The following FOXM1 variants were observed in gnomAD, a reference collection of about 807,000 sequenced individuals.
FOXM1 encodes the protein forkhead box protein M1.
In FOXM1, 25 loss-of-function variants were observed where a neutral mutation model predicts 63.6. That is an observed-to-expected ratio of 0.39 (90% CI 0.29 to 0.55). The LOEUF is 0.55. FOXM1 is among the 20% of genes least tolerant of loss of function. FOXM1 has a pLI of 0.60. For synonymous variants in FOXM1, 387 were observed against 376.9 expected (o/e 1.03, Z -0.31); for missense variants, 879 against 958.7 (o/e 0.92, Z 1.10).
chr12:2,868,602 G>C lies in FOXM1; in HGVS notation c.807C>G (p.His269Gln). The change falls in exon 4 of 9, where the codon CAC (histidine) becomes CAG (glutamine). Residue 269 changes from histidine to glutamine, a missense_variant. By Grantham distance (24) the His-to-Gln change is conservative. Transcript: ENST00000359843. ...LKDIYTWIED[H>Q]FPYFKHIAKP... ...TGGCAATGTGCTTAAAGTAGGGAAA[G>C]TGGTCCTCAATCCACGTATAGATGT... 1 of 1,613,670 alleles carries C rather than the reference G, an allele frequency of 6.2e-7. No homozygotes were observed. Among genetic ancestry groups the C allele is most frequent in the Non-Finnish European group, 8.5e-7 (1 of 1,179,804 alleles).
At position 2,864,796 on chromosome 12, in the gene FOXM1, A is replaced by G. The variant is rs761005665; in HGVS notation, c.1021-44T>C. 4 of 1,604,172 alleles carry G rather than the reference A, an allele frequency of 2.5e-6. No individual in the cohort carries two copies. Among genetic ancestry groups the G allele is most frequent in the Admixed American group, 1.7e-5 (1 of 59,996 alleles). ...GAGAGAAAGAAACCTATGTTAACACAATAAGGTAAAGAGGGGATGGCAAAA... is the reference window on the plus strand; with the variant it reads ...GAGAGAAAGAAACCTATGTTAACACGATAAGGTAAAGAGGGGATGGCAAAA... On this transcript the variant is annotated intron_variant, in intron 6 of 8. Coordinates refer to ENST00000359843, the MANE Select transcript of FOXM1 (RefSeq NM_021953.4). The surrounding 1 kb of genome is among the most constrained non-coding windows in gnomAD (Gnocchi z 5.1).
rs540333502 is a variant in FOXM1, at chr12:2,872,467, G to T, written c.503-220C>A. On this transcript the variant is annotated intron_variant, in intron 2 of 8. Coordinates refer to ENST00000359843, the MANE Select transcript of FOXM1 (RefSeq NM_021953.4). This position sits in a 1 kb window ranked among gnomAD's most constrained non-coding sequence, Gnocchi z 4.0. ...TCTACTAAAAATACAAAATTAGCTGGGTGTGGTGGCACACGCCTGTAGTCC... is the reference window on the plus strand; with the variant it reads ...TCTACTAAAAATACAAAATTAGCTGTGTGTGGTGGCACACGCCTGTAGTCC... 3.0e-4 allele frequency among the ~76,000 whole-genome samples: 45 copies of T among 152,212 alleles called. No homozygotes were observed. In the Middle Eastern group the frequency reaches 0.01, roughly 35 times the overall value.
rs747232406 is a variant in FOXM1 at position 2,859,094 on chromosome 12, C to T, written c.1836G>A (p.Pro612=). The T allele has an allele frequency of 2.3e-5, 37 of 1,606,420 alleles. No individual in the cohort carries two copies. Among genetic ancestry groups the T allele is most frequent in the South Asian group, 3.3e-5 (3 of 90,848 alleles). Residue 612 remains proline, a synonymous_variant, in exon 9 of 9, where the codon CCG becomes CCA. Coordinates refer to ENST00000359843, the MANE Select transcript of FOXM1 (RefSeq NM_021953.4). ...IKETLPISST[P]SKSVLPRTPE... Reference sequence around the variant, plus strand: ...GGGTTCTGGGGAGGACAGATTTGCTCGGGGTGGAGGAGATGGGCAGCGTTT... The same window carrying T: ...GGGTTCTGGGGAGGACAGATTTGCTTGGGGTGGAGGAGATGGGCAGCGTTT...
intron 8 of FOXM1, chr12:2,861,296 T>C: frequency 1.4e-6 from 1 of 729,856 alleles, no homozygotes; most frequent in Non-Finnish European, 2.5e-6. Context: ...TGCTCAGACT[T>C]ACTGATAAAC....
At chr12:2,862,094 G>T (rs907144255) in intron 8 of FOXM1, among the ~76,000 whole-genome samples, 1 of 151,388 alleles carries the variant, frequency 6.6e-6, no homozygotes, top group Non-Finnish European at 1.5e-5. Context: ...CAGGAGAATC[G>T]CTTGAACCCA....
chr12:2,862,191 AAAAAAAAG>A (rs2098114993), intron 8 of FOXM1, among the ~76,000 whole-genome samples: 1 of 152,016 alleles, frequency 6.6e-6, no homozygotes, highest in Non-Finnish European at 1.5e-5. Flanking sequence ...GAAAAAAAAA[AAAAAAAAG>A]AGACATGTAG....
chr12:2,861,509 A>G (rs1192551828), intron 8 of FOXM1: 1 of 407,038 alleles, frequency 2.5e-6, no homozygotes, highest in Admixed American at 4.5e-5. Context: ...TATTAAACAG[A>G]CTAATAATAC....
intron 4 of FOXM1, chr12:2,868,230 T>A (rs746320622): frequency 2.7e-5 from 5 of 182,056 alleles, no homozygotes; most frequent in Non-Finnish European, 5.7e-5. Context: ...ACAGCATTTT[T>A]TTTTTTAATC....
Position 2,868,744 on chromosome 12 carries a change from G to A in FOXM1, c.665C>T (p.Pro222Leu). Reference protein sequence around the residue: ...LEQRQVKVEEPSRPSASWQNS... With the variant: ...LEQRQVKVEELSRPSASWQNS... Reference sequence around the variant, plus strand: ...CTGCCAGGACGCTGATGGTCTCGAAGGCTCCTCAACCTGAGGGTTATGACA... The same window carrying A: ...CTGCCAGGACGCTGATGGTCTCGAAAGCTCCTCAACCTGAGGGTTATGACA... The change falls in exon 4 of 9, where the codon CCT becomes CTT. Residue 222 changes from proline (P) to leucine (L), a missense_variant. Pro to Leu is a moderately conservative substitution (Grantham distance 98, BLOSUM62 -3). Coordinates refer to ENST00000359843, the MANE Select transcript of FOXM1 (RefSeq NM_021953.4). The A allele has an allele frequency of 1.2e-6, 2 of 1,612,572 alleles. No homozygotes were observed. The highest frequency in any genetic ancestry group is 1.3e-5 in the African/African-American group (1 of 75,030).
chr12:2,862,075 AG>A (rs1446620801), intron 8 of FOXM1, among the ~76,000 whole-genome samples: 1 of 151,754 alleles, frequency 6.6e-6, no homozygotes, highest in Non-Finnish European at 1.5e-5. Flanking sequence ...GCTACTCAGG[AG>A]GCCGAGGCAG....
chr12:2,859,273 G>A lies in FOXM1; in HGVS notation c.1657C>T (p.Pro553Ser), dbSNP rs1228943957. 8 of 1,613,614 alleles carry A rather than the reference G, an allele frequency of 5.0e-6. No homozygotes were observed. In the African/African-American group the frequency reaches 9.4e-5, roughly 19 times the overall value. Residue 553 changes from proline to serine, a missense_variant, in exon 9 of 9, where the codon CCC becomes TCC. Pro to Ser is a moderately conservative substitution (Grantham distance 74, BLOSUM62 -1). Coordinates refer to ENST00000359843, the MANE Select transcript of FOXM1 (RefSeq NM_021953.4). ...RSRRKQHLLP[P>S]CVDEPELLFS... ...AGCAGCTCCGGCTCATCCACACAGGGAGGCAGTAGATGCTGTTTTCTCCGA... is the reference window on the plus strand; with the variant it reads ...AGCAGCTCCGGCTCATCCACACAGGAAGGCAGTAGATGCTGTTTTCTCCGA...
Position 2,867,892 on chromosome 12 carries a change from C to T in FOXM1, c.846+671G>A, listed in dbSNP as rs567556824. Reference sequence around the variant, plus strand: ...ACTCGGGAGGCTGAGGCAGGAGAATCGCTTGAACCTTGGAGGCGGAGGAGG... The same window carrying T: ...ACTCGGGAGGCTGAGGCAGGAGAATTGCTTGAACCTTGGAGGCGGAGGAGG... On this transcript the variant is annotated intron_variant, in intron 4 of 8. Coordinates refer to ENST00000359843, the MANE Select transcript of FOXM1 (RefSeq NM_021953.4). Among the ~76,000 whole-genome samples the T allele has an allele frequency of 2.0e-4, 29 of 147,634 alleles. No homozygotes were observed. In the South Asian group the frequency reaches 5.4e-3, roughly 28 times the overall value.
rs960643592 is a variant in FOXM1 at position 2,858,598 on chromosome 12, G to A, written c.*40C>T. The A allele has an allele frequency of 6.3e-7, 1 of 1,576,226 alleles. No individual in the cohort carries two copies. Among genetic ancestry groups the A allele is most frequent in the African/African-American group, 1.3e-5 (1 of 74,432 alleles). The stretch of plus-strand genomic sequence containing the variant: ...GGTGCACTGAGCCTTGGAGTGCCCG[G>A]GATGGTGGACAGCTTGAGCACAGGG... On this transcript the variant is annotated 3_prime_UTR_variant, in exon 9 of 9. Coordinates refer to ENST00000359843, the MANE Select transcript of FOXM1 (RefSeq NM_021953.4).
Position 2,864,346 on chromosome 12 carries a change from T to C in FOXM1, c.1240A>G (p.Ser414Gly). The change falls in exon 8 of 9, where the codon AGC becomes GGC. Residue 414 changes from serine to glycine, a missense_variant. Transcript: ENST00000359843. This position sits in a 1 kb window ranked among gnomAD's most constrained non-coding sequence, Gnocchi z 5.1. ...TTGGGGGCAATGCGGACTCGCTTGC[T>C]ATGGCGGGCAAGCTCTGAGCTCATG... The part of the protein sequence containing the change: ...SLMSSELARH[S>G]KRVRIAPKVL... 1 of 1,612,462 alleles carries C rather than the reference T, an allele frequency of 6.2e-7. No homozygotes were observed. The highest frequency in any genetic ancestry group is 2.2e-5 in the East Asian group (1 of 44,854).
Position 2,872,680 on chromosome 12 carries a change from C to T in FOXM1, c.503-433G>A, listed in dbSNP as rs2098135192. On this transcript the variant is annotated intron_variant, in intron 2 of 8. Transcript: ENST00000359843. The surrounding 1 kb of genome is among the most constrained non-coding windows in gnomAD (Gnocchi z 4.0). ...GACCTCTGCCTTTAGGGACGGAGAA[C>T]ACATGCTGAATCTATTGTGGCTCTA... is the stretch of plus-strand genomic sequence containing the variant. 6.6e-6 allele frequency among the ~76,000 whole-genome samples: 1 copy of T among 152,122 alleles called. No individual in the cohort carries two copies. Among genetic ancestry groups the T allele is most frequent in the Non-Finnish European group, 1.5e-5 (1 of 68,028 alleles).
Position 2,864,677 on chromosome 12 carries a change from A to G in FOXM1, c.1090+6T>C. 6.2e-7 allele frequency: 1 copy of G among 1,613,930 alleles called. No individual in the cohort carries two copies. The highest frequency in any genetic ancestry group is 8.5e-7 in the Non-Finnish European group (1 of 1,179,856). ...CCAGGCCCAAGGCCCACTCTCCCAT[A>G]CTAACGTGCGCCCAGGGGGAGTTCG... On this transcript the variant is annotated splice_donor_region_variant and intron_variant, in intron 7 of 8. Coordinates refer to ENST00000359843, the MANE Select transcript of FOXM1 (RefSeq NM_021953.4). This position sits in a 1 kb window ranked among gnomAD's most constrained non-coding sequence, Gnocchi z 5.1.
At chr12:2,863,537 T>TA (rs2098117781) in intron 8 of FOXM1, among the ~76,000 whole-genome samples, 1 of 151,592 alleles carries the variant, frequency 6.6e-6, no homozygotes, top group Admixed American at 6.6e-5. Context: ...CACAGGCATG[T>TA]ACTACCACCG....
At chr12:2,869,402 T>G (rs1462676325) in intron 3 of FOXM1, among the ~76,000 whole-genome samples, 2 of 151,534 alleles carry the variant, frequency 1.3e-5, no homozygotes. Flanking sequence ...TCCAAGTAGC[T>G]GGGACTACAG....
At chr12:2,862,704 A>C (rs1423509237) in intron 8 of FOXM1, among the ~76,000 whole-genome samples, 1 of 144,214 alleles carries the variant, frequency 6.9e-6, no homozygotes, top group Admixed American at 6.9e-5. Context: ...CTAATTAAAA[A>C]AAAATTTTTT....
Sources: allele counts gnomAD v4.1 joint callset (sites outside exome capture counted in the v4.1 genomes callset), GRCh38; gene constraint gnomAD v4.1.1; non-coding constraint Gnocchi (gnomAD v3.1); transcripts MANE v1.5; gene names NCBI Gene and HGNC (gene_info 2026-07-23, HGNC 2026-07-21).